The following STK32B variants were observed in gnomAD, a reference collection of about 807,000 sequenced individuals.
STK32B encodes serine/threonine kinase 32B, also known as serine/threonine-protein kinase 32B.
Under a neutral mutation model 52.6 loss-of-function variants are expected in STK32B, and 43 were observed. The ratio of observed to expected loss-of-function variants is 0.82; its 90% CI spans 0.64 to 1.05. STK32B has a LOEUF of 1.05. Ranked by LOEUF, STK32B falls within the 50% of genes least tolerant of loss-of-function variation. The pLI, the probability that STK32B is intolerant of heterozygous loss-of-function variation, is 0.00. For synonymous variants in STK32B, 238 were observed against 204.3 expected (o/e 1.17, Z -1.41); for missense variants, 621 against 534.6 (o/e 1.16, Z -1.59).
intron 7 of STK32B, among the ~76,000 whole-genome samples, chr4:5,452,929 A>T (rs1716135972): frequency 6.6e-6 from 1 of 152,102 alleles, no homozygotes; most frequent in African/African-American, 2.4e-5. Context: ...GACACAGCAT[A>T]TCCTAAGGCC....
Position 5,398,038 on chromosome 4 carries a change from G to A in STK32B, c.435-169G>A, listed in dbSNP as rs559110082. On this transcript the variant is annotated intron_variant, in intron 4 of 11. Coordinates refer to ENST00000282908, the MANE Select transcript of STK32B (RefSeq NM_018401.3). This position sits in a 1 kb window ranked among gnomAD's most constrained non-coding sequence, Gnocchi z 4.9. ...AAAGAGAAGAGGCGATAAGAACACA[G>A]GTGTCCCATTATCTTACCAATTATT... is the stretch of plus-strand genomic sequence containing the variant. Among the ~76,000 whole-genome samples, 2 of 152,346 alleles carry A rather than the reference G, an allele frequency of 1.3e-5. No individual in the cohort carries two copies. The highest frequency in any genetic ancestry group is 3.9e-4 in the East Asian group (2 of 5,184).
rs184898390 is a variant in STK32B at position 5,094,153 on chromosome 4, C to T, written c.52+42238C>T. 5.9e-5 allele frequency among the ~76,000 whole-genome samples: 9 copies of T among 151,934 alleles called. No individual in the cohort carries two copies. In the East Asian group the frequency reaches 1.5e-3, roughly 26 times the overall value. On this transcript the variant is annotated intron_variant, in intron 1 of 11. Transcript: ENST00000282908. Reference sequence around the variant, plus strand: ...CAGGATTGCTACAAGGAAGGCATACCCATAGAGTGTAATGATTCAAGAAAA... The same window carrying T: ...CAGGATTGCTACAAGGAAGGCATACTCATAGAGTGTAATGATTCAAGAAAA...
At chr4:5,155,307 A>G (rs1335139088) in intron 2 of STK32B, among the ~76,000 whole-genome samples, 3 of 151,934 alleles carry the variant, frequency 2.0e-5, no homozygotes, top group African/African-American at 4.8e-5. Flanking sequence ...CTGTGATTCT[A>G]TTATGTGTTT....
At chr4:5,446,531 TG>T in intron 6 of STK32B, 141 bp from the exon 7 acceptor site, 1 of 654,266 alleles carries the variant, frequency 1.5e-6, no homozygotes, top group Non-Finnish European at 2.6e-6. Flanking sequence ...TGTGCCAGCC[TG>T]GGCAGCAGAG....
chr4:5,382,834 T>G (rs1736017807), intron 4 of STK32B, among the ~76,000 whole-genome samples: 1 of 152,212 alleles, frequency 6.6e-6, no homozygotes, highest in Non-Finnish European at 1.5e-5. Flanking sequence ...CAGACATGAT[T>G]AGCTCACTTT....
intron 3 of STK32B, among the ~76,000 whole-genome samples, chr4:5,300,217 A>G (rs1295957356): frequency 1.3e-5 from 2 of 152,226 alleles, no homozygotes; most frequent in Non-Finnish European, 2.9e-5. Flanking sequence ...AAAAGCATCC[A>G]ATAAAATTCA....
intron 8 of STK32B, among the ~76,000 whole-genome samples, chr4:5,459,285 C>G (rs978384679): frequency 1.3e-4 from 7 of 54,656 alleles, no homozygotes; most frequent in Non-Finnish European, 2.8e-4. Context: ...CTGGTGTGCC[C>G]CCCCCCCCCA....
chr4:5,215,072 G>A (rs1241936578), intron 3 of STK32B, among the ~76,000 whole-genome samples: 1 of 152,190 alleles, frequency 6.6e-6, no homozygotes, highest in African/African-American at 2.4e-5. Context: ...TGCTTTTCAA[G>A]TTTTTTAGAT....
chr4:5,085,491 G>A (rs985653573), intron 1 of STK32B, among the ~76,000 whole-genome samples: 4 of 152,144 alleles, frequency 2.6e-5, no homozygotes, highest in African/African-American at 4.8e-5. Flanking sequence ...CATGGAACTG[G>A]TGTTCTAGAA....
intron 1 of STK32B, among the ~76,000 whole-genome samples, chr4:5,113,240 G>A (rs1714507212): frequency 6.6e-6 from 1 of 152,158 alleles, no homozygotes; most frequent in Admixed American, 6.5e-5. Context: ...CTTTCACCAT[G>A]TGAGGACACA....
intron 3 of STK32B, among the ~76,000 whole-genome samples, chr4:5,258,063 G>C (rs537732243): frequency 6.6e-6 from 1 of 152,306 alleles, no homozygotes; most frequent in East Asian, 1.9e-4. Flanking sequence ...TTCACTCTCT[G>C]TGCCTGTGGA....
the STK32B span, among the ~76,000 whole-genome samples, chr4:5,019,930 G>A: frequency 5.3e-5 from 8 of 152,282 alleles, no homozygotes; most frequent in East Asian, 7.8e-4. Flanking sequence ...CAGGCAGCCC[G>A]CAGTGGAGCA....
intron 2 of STK32B, among the ~76,000 whole-genome samples, chr4:5,154,762 C>T (rs766817110): frequency 4.6e-5 from 7 of 152,188 alleles, no homozygotes; most frequent in Non-Finnish European, 1.0e-4. Context: ...GGGACCTGGT[C>T]ATGCCCATCC....
chr4:5,317,918 ATC>A (rs556144869), intron 3 of STK32B, among the ~76,000 whole-genome samples: 111 of 152,194 alleles, frequency 7.3e-4, no homozygotes, highest in South Asian at 5.2e-3. Context: ...TCACCTGAAA[ATC>A]TGTTAGAATT....
intron 1 of STK32B, among the ~76,000 whole-genome samples, chr4:5,134,953 C>T (rs137867613): frequency 6.6e-6 from 1 of 152,166 alleles, no homozygotes; most frequent in South Asian, 2.1e-4. Flanking sequence ...ATGTTGAAAG[C>T]GTGCTATGAA....
rs1294703329 is a variant in STK32B, at chr4:5,493,021, G to T, written c.1107-5924G>T. 6.6e-5 allele frequency among the ~76,000 whole-genome samples: 10 copies of T among 151,414 alleles called. 1 individual carries two copies. Among genetic ancestry groups the T allele is most frequent in the Admixed American group, 6.6e-4 (10 of 15,252 alleles). On this transcript the variant is annotated intron_variant, in intron 11 of 11. Transcript: ENST00000282908. ...GATTTTTGCATCAATGTTCATCAAG[G>T]ATATTGGTCTAAAATTCTCTTTTAT...
intron 11 of STK32B, among the ~76,000 whole-genome samples, chr4:5,481,633 G>A (rs1718719526): frequency 6.6e-6 from 1 of 152,038 alleles, no homozygotes; most frequent in South Asian, 2.1e-4. Flanking sequence ...CATTGCTTTT[G>A]GTGTTTTAGA....
intron 1 of STK32B, among the ~76,000 whole-genome samples, chr4:5,073,018 T>G (rs962178230): frequency 6.6e-6 from 1 of 152,118 alleles, no homozygotes; most frequent in Non-Finnish European, 1.5e-5. Context: ...GTTAATATGA[T>G]CACAGCAGCT....
chr4:5,288,802 G>A (rs920771145), intron 3 of STK32B, among the ~76,000 whole-genome samples: 1 of 152,114 alleles, frequency 6.6e-6, no homozygotes, highest in African/African-American at 2.4e-5. Flanking sequence ...TCCTATCCAA[G>A]CTCTTGAAAA....
Sources: allele counts gnomAD v4.1 joint callset (sites outside exome capture counted in the v4.1 genomes callset), GRCh38; gene constraint gnomAD v4.1.1; non-coding constraint Gnocchi (gnomAD v3.1); transcripts MANE v1.5; gene names NCBI Gene and HGNC (gene_info 2026-07-23, HGNC 2026-07-21).